Variants in CCDC30 observed in about 807,000 individuals in gnomAD.
The protein encoded by CCDC30 is coiled-coil domain-containing protein 30.
CCDC30 carries 70 observed loss-of-function variants against 100.2 expected under a neutral mutation model. The ratio of observed to expected loss-of-function variants is 0.70; its 90% CI spans 0.58 to 0.85. CCDC30 has a LOEUF of 0.85. Among genes scored for constraint, CCDC30 ranks in the 40% least tolerant of loss-of-function variants. CCDC30 has a pLI of 0.00. For missense variants in CCDC30, 652 were observed against 771.2 expected, an observed-to-expected ratio of 0.85 and a Z score of 1.83; for synonymous variants, 233 against 269.5, an observed-to-expected ratio of 0.86 and a Z score of 1.33.
downstream of CCDC30, among the ~76,000 whole-genome samples, chr1:42,656,531 T>C (rs1341449058): frequency 1.1e-4 from 17 of 152,264 alleles, no homozygotes; most frequent in Middle Eastern, 3.4e-3. Context: ...TGCGGGAGGC[T>C]GAGGCTCGAG....
At chr1:42,513,239 A>G (rs1644506886) in intron 6 of CCDC30, among the ~76,000 whole-genome samples, 1 of 152,166 alleles carries the variant, frequency 6.6e-6, no homozygotes, top group Non-Finnish European at 1.5e-5. Flanking sequence ...CTCTCTTGTG[A>G]GAGAGAGGGG....
At chr1:42,512,468 T>C (rs1644493212) in intron 6 of CCDC30, among the ~76,000 whole-genome samples, 1 of 152,086 alleles carries the variant, frequency 6.6e-6, no homozygotes, top group Non-Finnish European at 1.5e-5. Context: ...GACCCTCTGA[T>C]CCTAGAAAAT....
intron 6 of CCDC30, among the ~76,000 whole-genome samples, chr1:42,526,512 C>G (rs1160067151): frequency 6.6e-6 from 1 of 151,960 alleles, no homozygotes; most frequent in Non-Finnish European, 1.5e-5. Flanking sequence ...TAATTCATAT[C>G]CTTTTCCCAG....
chr1:42,574,743 T>A (rs1230928252), intron 7 of CCDC30, among the ~76,000 whole-genome samples: 1 of 152,208 alleles, frequency 6.6e-6, no homozygotes, highest in Non-Finnish European at 1.5e-5. Flanking sequence ...TTCAGTTTTT[T>A]ATCTCTAAAA....
chr1:42,554,031 G>A (rs1331541722), intron 6 of CCDC30, among the ~76,000 whole-genome samples: 1 of 151,790 alleles, frequency 6.6e-6, no homozygotes, highest in Non-Finnish European at 1.5e-5. Flanking sequence ...GTGTACACAC[G>A]TTAATACATA....
chr1:42,556,197 A>G lies in CCDC30; in HGVS notation c.457-10099A>G, dbSNP rs141156656. ...AGAAAGCAGAAGGAAATTCCAGAGG[A>G]GTCAGTAAAGGAGGGCAGTTTTCCA... On this transcript the variant is annotated intron_variant, in intron 6 of 16. Coordinates refer to ENST00000668663, the Ensembl canonical transcript of CCDC30. The G allele has an allele frequency of 2.5e-5, 40 of 1,613,998 alleles. No homozygotes were observed. The East Asian group carries it at 8.5e-4, about 34-fold the overall frequency.
intron 7 of CCDC30, among the ~76,000 whole-genome samples, chr1:42,573,031 A>G (rs1487621631): frequency 1.3e-5 from 2 of 152,226 alleles, no homozygotes; most frequent in African/African-American, 4.8e-5. Flanking sequence ...TTAACATTTG[A>G]TAGAACAAAT....
intron 7 of CCDC30, among the ~76,000 whole-genome samples, chr1:42,569,533 T>G (rs776116307): frequency 6.6e-6 from 1 of 152,074 alleles, no homozygotes; most frequent in Non-Finnish European, 1.5e-5. Context: ...TTGGTGGGAG[T>G]GTAAACTAGT....
At chr1:42,510,193 C>T (rs1644455330) in intron 6 of CCDC30, 1 of 807,158 alleles carries the variant, frequency 1.2e-6, no homozygotes, top group Admixed American at 6.3e-5. Flanking sequence ...ATGATGATTC[C>T]CCTGTTTCTT....
intron 15 of CCDC30, 106 bp from the exon 20 acceptor site, chr1:42,653,270 A>G (rs909397507): frequency 3.7e-6 from 2 of 537,778 alleles, no homozygotes; most frequent in Middle Eastern, 5.1e-4. Flanking sequence ...CATTGTTTGT[A>G]CTATGTGCAG....
chr1:42,633,859 TCA>T (rs1647089060), intron 11 of CCDC30, among the ~76,000 whole-genome samples: 1 of 152,122 alleles, frequency 6.6e-6, no homozygotes. Flanking sequence ...TTTAATTGAC[TCA>T]CAGTTCAGCA....
At chr1:42,457,424 A>C in the CCDC30 span, 1 of 1,317,828 alleles carries the variant, frequency 7.6e-7, no homozygotes, top group African/African-American at 1.4e-5. Flanking sequence ...TGATCTGGAG[A>C]TGGCCTTTCT....
intron 10 of CCDC30, among the ~76,000 whole-genome samples, chr1:42,602,425 A>G (rs1044361827): frequency 1.3e-5 from 2 of 152,168 alleles, no homozygotes; most frequent in African/African-American, 2.4e-5. Context: ...GAGAGAGGAC[A>G]TAAGTTACAA....
intron 3 of CCDC30, among the ~76,000 whole-genome samples, chr1:42,489,045 G>C (rs762047334): frequency 3.9e-5 from 6 of 152,022 alleles, no homozygotes; most frequent in South Asian, 2.1e-4. Context: ...TATATTACTC[G>C]TCTTATTCCC....
chr1:42,551,938 AT>A (rs1272026907), intron 6 of CCDC30, among the ~76,000 whole-genome samples: 3 of 151,682 alleles, frequency 2.0e-5, no homozygotes, highest in Non-Finnish European at 4.4e-5. Flanking sequence ...AATTTTTAAA[AT>A]TTTTTTGTAG....
At chr1:42,633,429 C>T (rs985621476) in intron 11 of CCDC30, among the ~76,000 whole-genome samples, 1 of 152,166 alleles carries the variant, frequency 6.6e-6, no homozygotes, top group Admixed American at 6.5e-5. Context: ...ACCTGGAAGC[C>T]CCAACTCTCT....
chr1:42,473,409 T>C, intron 1 of CCDC30: 1 of 629,252 alleles, frequency 1.6e-6, no homozygotes, highest in Non-Finnish European at 2.3e-6. Context: ...CTGTATAGTT[T>C]GAAAAGCACC....
chr1:42,634,127 C>T (rs1339146032), intron 11 of CCDC30, among the ~76,000 whole-genome samples: 2 of 151,844 alleles, frequency 1.3e-5, no homozygotes, highest in East Asian at 1.9e-4. Context: ...GATAAGATTT[C>T]GGTGAGGAGA....
At position 42,516,165 on chromosome 1, in the gene CCDC30, G is replaced by A. The variant is rs150688315; in HGVS notation, c.456+17249G>A. Among the ~76,000 whole-genome samples, 610 of 152,236 alleles carry A rather than the reference G, an allele frequency of 4.0e-3. 3 individuals are homozygous for A. The highest frequency in any genetic ancestry group is 0.014 in the African/African-American group (579 of 41,542). ...ATATCACTTTACATTTCCACCAACC[G>A]TGTAGAATCATACTAATTTCTCCAC... On this transcript the variant is annotated intron_variant, in intron 6 of 16. Coordinates refer to ENST00000668663, the Ensembl canonical transcript of CCDC30.
Sources: gnomAD v4.1 joint callset for allele counts (sites outside exome capture counted in the v4.1 genomes callset) on GRCh38, gnomAD v4.1.1 for gene constraint, MANE v1.5 for transcripts, NCBI Gene and HGNC (gene_info 2026-07-23, HGNC 2026-07-21) for gene names.